ADARB2: variants seen among roughly 807,000 people sequenced by gnomAD.
ADARB2 encodes adenosine deaminase RNA specific B2 (inactive), also known as inactive double-stranded RNA-specific editase B2.
A neutral mutation model predicts 62.2 loss-of-function variants in ADARB2; 25 were observed. The ratio of observed to expected loss-of-function variants is 0.40; its 90% CI spans 0.29 to 0.56. The LOEUF is 0.56. Ranked by LOEUF, ADARB2 falls within the 20% of genes least tolerant of loss-of-function variation. ADARB2 has a pLI of 0.43. For missense variants in ADARB2, 1,071 were observed against 1,077.4 expected (o/e 0.99, Z 0.08); for synonymous variants, 572 against 500.8 (o/e 1.14, Z -1.90).
intron 1 of ADARB2, chr10:1,526,990 C>G (rs1237109760): frequency 3.7e-6 from 1 of 273,266 alleles, no homozygotes; most frequent in Admixed American, 3.7e-5. Flanking sequence ...TTGTGCACAG[C>G]TCTGACTTCC....
intron 1 of ADARB2, among the ~76,000 whole-genome samples, chr10:1,451,378 G>T (rs187501113): frequency 6.6e-6 from 1 of 152,238 alleles, no homozygotes; most frequent in Non-Finnish European, 1.5e-5. Context: ...ACCTGGCGGT[G>T]CTGCCCTGAC....
intron 1 of ADARB2, chr10:1,556,859 T>C: frequency 1.9e-6 from 1 of 532,134 alleles, no homozygotes; most frequent in Non-Finnish European, 3.9e-6. Flanking sequence ...CAACCCCTCC[T>C]CATGGGGGAA....
chr10:1,578,383 A>G (rs530428943), intron 1 of ADARB2, among the ~76,000 whole-genome samples: 1 of 152,366 alleles, frequency 6.6e-6, no homozygotes, highest in Non-Finnish European at 1.5e-5. Flanking sequence ...TTAAAAATAT[A>G]AACAACTTAG....
At chr10:1,677,679 C>A (rs1310108375) in intron 1 of ADARB2, among the ~76,000 whole-genome samples, 2 of 152,176 alleles carry the variant, frequency 1.3e-5, no homozygotes, top group African/African-American at 4.8e-5. Flanking sequence ...CCTTTTAGAT[C>A]CACACTACAG....
intron 2 of ADARB2, among the ~76,000 whole-genome samples, chr10:1,367,585 C>T (rs962614718): frequency 9.2e-5 from 14 of 152,044 alleles, no homozygotes; most frequent in African/African-American, 3.4e-4. Context: ...TGTTTCAGGC[C>T]AAGGGTAAGC....
chr10:1,444,447 G>A (rs1830942548), intron 1 of ADARB2, among the ~76,000 whole-genome samples: 1 of 129,574 alleles, frequency 7.7e-6, no homozygotes, highest in South Asian at 2.5e-4. Flanking sequence ...TCCATCCATT[G>A]ATCATCCATC....
chr10:1,183,369 G>A lies in ADARB2; in HGVS notation c.2044C>T (p.Leu682=). ...CCAGGGCTGGGTGTCCGTGTGCTCA[G>A]CTGCGGACAAGAAGGAGAAAGAGCC... ...SARWARLYGR[L]STRTPSPGDT... Residue 682 remains leucine, a splice_region_variant and synonymous_variant, in exon 10 of 10, where the codon CTG becomes TTG. Transcript: ENST00000381312. 1 of 1,608,530 alleles carries A rather than the reference G, an allele frequency of 6.2e-7. No individual in the cohort carries two copies. Among genetic ancestry groups the A allele is most frequent in the Non-Finnish European group, 8.5e-7 (1 of 1,175,332 alleles).
At chr10:1,569,060 A>AAGAGAGACAGAGAC (rs1199944314) in intron 1 of ADARB2, among the ~76,000 whole-genome samples, 25 of 151,546 alleles carry the variant, frequency 1.6e-4, no homozygotes, top group African/African-American at 5.6e-4. Context: ...GACAGAGAGA[A>AAGAGAGACAGAGAC]AGAGAGACAG....
At chr10:1,618,258 T>TA (rs956171967) in intron 1 of ADARB2, among the ~76,000 whole-genome samples, 1 of 152,196 alleles carries the variant, frequency 6.6e-6, no homozygotes, top group East Asian at 1.9e-4. Context: ...AGCTTTACTT[T>TA]AAAAAATCCA....
intron 3 of ADARB2, among the ~76,000 whole-genome samples, chr10:1,344,036 A>C (rs576300881): frequency 5.5e-4 from 84 of 152,314 alleles, no homozygotes; most frequent in African/African-American, 2.0e-3. Flanking sequence ...AGAGTTAAAA[A>C]AACTCAGGTT....
At chr10:1,547,013 T>C (rs2387726) in intron 1 of ADARB2, among the ~76,000 whole-genome samples, 78,100 of 152,030 alleles carry the variant, frequency 0.51, 21,596 homozygotes, top group East Asian at 0.76. Context: ...AAACACAGCC[T>C]GGCAGGAGCA....
In ADARB2 at chr10:1,737,253, C is replaced by G; in HGVS notation, c.-103G>C. 8.1e-7 allele frequency: 1 copy of G among 1,237,842 alleles called. No homozygotes were observed. Among genetic ancestry groups the G allele is most frequent in the Non-Finnish European group, 1.2e-6 (1 of 863,060 alleles). The allele number at this position is 1,237,842 out of a possible 1,614,324, so 76.7% of individuals were successfully genotyped here. A position where few individuals can be genotyped will look rare whatever the true frequency, so the allele number is the denominator to read the frequency against. ...GCCGCTGCTGCGAAGCTTGAGGTTG[C>G]AAACCCGGGAGCGGCTCACTTTTCA... On this transcript the variant is annotated 5_prime_UTR_variant, in exon 1 of 10. Coordinates refer to ENST00000381312, the MANE Select transcript of ADARB2 (RefSeq NM_018702.4).
intron 1 of ADARB2, among the ~76,000 whole-genome samples, chr10:1,626,927 C>G (rs1833777540): frequency 6.6e-6 from 1 of 152,070 alleles, no homozygotes; most frequent in Non-Finnish European, 1.5e-5. Flanking sequence ...TCATCAGCAC[C>G]CACCCTGTGC....
rs574866367 is a variant in ADARB2, at chr10:1,687,640, A to T, written c.100+49411T>A. On this transcript the variant is annotated intron_variant, in intron 1 of 9. Coordinates refer to ENST00000381312, the MANE Select transcript of ADARB2 (RefSeq NM_018702.4). ...TGCAAACGCATTAAATTATTTAAAT[A>T]ATCATATTTTTTTCTGCAAAAAAAA... 2.0e-5 allele frequency among the ~76,000 whole-genome samples: 3 copies of T among 151,766 alleles called. No individual in the cohort carries two copies. The South Asian group carries it at 6.2e-4, about 32-fold the overall frequency.
At chr10:1,723,394 A>T (rs1164136959) in intron 1 of ADARB2, among the ~76,000 whole-genome samples, 2 of 152,202 alleles carry the variant, frequency 1.3e-5, no homozygotes, top group East Asian at 3.8e-4. Context: ...TAAGCAAAGA[A>T]CAGCCGGTGG....
At chr10:1,609,596 A>C (rs188041471) in intron 1 of ADARB2, among the ~76,000 whole-genome samples, 1 of 152,236 alleles carries the variant, frequency 6.6e-6, no homozygotes, top group African/African-American at 2.4e-5. Flanking sequence ...AGGGTGTTTC[A>C]ATATTCACAT....
rs373932020 is a variant in ADARB2 at position 1,200,054 on chromosome 10, C to T, written c.1776G>A (p.Thr592=). 7 of 1,593,734 alleles carry T rather than the reference C, an allele frequency of 4.4e-6. No individual in the cohort carries two copies. The Admixed American group carries it at 6.9e-5, about 16-fold the overall frequency. The change falls in exon 8 of 10, where the codon ACG becomes ACA. Residue 592 remains threonine, a synonymous_variant. Coordinates refer to ENST00000381312, the MANE Select transcript of ADARB2 (RefSeq NM_018702.4). Reference sequence around the variant, plus strand: ...GGCTCATGACGCGTGCGAGGTGGCCCGTGTGGTGCAGGCTGCCCACCACGA... The same window carrying T: ...GGCTCATGACGCGTGCGAGGTGGCCTGTGTGGTGCAGGCTGCCCACCACGA... ...QSIVVGSLHH[T]GHLARVMSHR...
intron 1 of ADARB2, among the ~76,000 whole-genome samples, chr10:1,731,206 A>G (rs1273237829): frequency 6.6e-6 from 1 of 152,246 alleles, no homozygotes; most frequent in African/African-American, 2.4e-5. Flanking sequence ...ATTCACTCAT[A>G]AACTTGCAGA....
chr10:1,689,353 G>A (rs1286867009), intron 1 of ADARB2, among the ~76,000 whole-genome samples: 1 of 152,170 alleles, frequency 6.6e-6, no homozygotes, highest in Non-Finnish European at 1.5e-5. Flanking sequence ...CATGAAGAGA[G>A]GCAGACTTAG....
Sources: gnomAD v4.1 joint callset for allele counts (sites outside exome capture counted in the v4.1 genomes callset) on GRCh38, gnomAD v4.1.1 for gene constraint, MANE v1.5 for transcripts, NCBI Gene and HGNC (gene_info 2026-07-23, HGNC 2026-07-21) for gene names.